Variants in PNLIPRP1 observed in about 807,000 individuals in gnomAD.
PNLIPRP1 encodes the protein inactive pancreatic lipase-related protein 1.
PNLIPRP1 carries 57 observed loss-of-function variants against 54.6 expected under a neutral mutation model. That is an observed-to-expected ratio of 1.04 (90% CI 0.84 to 1.30). The LOEUF (loss-of-function observed/expected upper bound fraction) is 1.30. Among genes scored for constraint, PNLIPRP1 ranks in the 50% most tolerant of loss-of-function variants. The probability of loss-of-function intolerance (pLI) is 0.00; values close to 1 mark genes in which losing one functional copy is unlikely to be tolerated. For synonymous variants in PNLIPRP1, 232 were observed against 208.8 expected, an observed-to-expected ratio of 1.11 and a Z score of -0.96; for missense variants, 567 against 568.5, an observed-to-expected ratio of 1.00 and a Z score of 0.03.
At chr10:116,596,176 G>A (rs1554863921) in intron 5 of PNLIPRP1, 38 bp from the exon 6 acceptor site, 1 of 1,406,098 alleles carries the variant, frequency 7.1e-7, no homozygotes, top group Non-Finnish European at 1.0e-6. Flanking sequence ...AAAAACCACA[G>A]CAAAAAATGT....
rs1387752452 is a variant in PNLIPRP1, at chr10:116,597,809, T to G, written c.575-19T>G. The G allele has an allele frequency of 2.5e-6, 4 of 1,613,996 alleles. No individual in the cohort carries two copies. The highest frequency in any genetic ancestry group is 2.7e-5 in the African/African-American group (2 of 74,924). ...TACAGTCAGGTCTATTGTTCTGCAG[T>G]GCTGATCATCTCTTTTAGGGTTGGA... On this transcript the variant is annotated intron_variant, in intron 6 of 12. Transcript: ENST00000358834.
At chr10:116,593,643 T>C (rs1175908562) in intron 4 of PNLIPRP1, 1 of 152,216 alleles carries the variant, frequency 6.6e-6, no homozygotes, top group African/African-American at 2.4e-5. Flanking sequence ...TTGTGAAAGT[T>C]TCCTCAGGAT....
intron 4 of PNLIPRP1, chr10:116,594,055 T>C (rs1847690586): frequency 7.5e-6 from 2 of 265,146 alleles, no homozygotes; most frequent in South Asian, 3.8e-5. Flanking sequence ...CATATTAGTA[T>C]ACTATATGTG....
Position 116,600,147 on chromosome 10 carries a change from C to A in PNLIPRP1, c.915C>A (p.Ser305=). The change falls in exon 9 of 13, where the codon TCC becomes TCA. Residue 305 remains serine, a synonymous_variant. Coordinates refer to ENST00000358834, the MANE Select transcript of PNLIPRP1 (RefSeq NM_006229.4). The part of the protein sequence containing the change: ...PDGFAAYPCT[S]YKSFESDKCF... ...GGTTTGCTGCATATCCCTGCACTTC[C>A]TACAAGTCCTTTGAGTCTGTAAGCT... 1 of 1,609,374 alleles carries A rather than the reference C, an allele frequency of 6.2e-7. No homozygotes were observed. The highest frequency in any genetic ancestry group is 8.5e-7 in the Non-Finnish European group (1 of 1,175,740).
At chr10:116,594,439 T>G (rs997799924) in intron 4 of PNLIPRP1, 6 of 522,748 alleles carry the variant, frequency 1.1e-5, no homozygotes, top group Non-Finnish European at 1.4e-5. Context: ...ACTCTTTTCA[T>G]GATGCAATTG....
intron 11 of PNLIPRP1, among the ~76,000 whole-genome samples, chr10:116,604,551 T>G (rs1196335741): frequency 6.6e-6 from 1 of 152,204 alleles, no homozygotes; most frequent in African/African-American, 2.4e-5. Context: ...TAAGGACACA[T>G]TTCTCAGAAC....
In PNLIPRP1 at chr10:116,596,268, G is replaced by C. The variant is rs139392611; in HGVS notation, c.520G>C (p.Ala174Pro). 74 of 1,614,020 alleles carry C rather than the reference G, an allele frequency of 4.6e-5. No individual in the cohort carries two copies. The African/African-American group carries it at 9.2e-4, about 20-fold the overall frequency. ...KVHLIGHSLG[A>P]HVAGEAGSKT... ...TCACCTCATTGGCCACAGCCTGGGA[G>C]CCCACGTGGCTGGAGAGGCAGGAAG... Residue 174 changes from alanine (A) to proline (P), a missense_variant, in exon 6 of 13, where the codon GCC becomes CCC. Ala to Pro is a conservative substitution (Grantham distance 27, BLOSUM62 -1). Transcript: ENST00000358834.
chr10:116,591,202 G>C (rs781985077), intron 2 of PNLIPRP1, 24 bp downstream of exon 2: 46 of 1,600,486 alleles, frequency 2.9e-5, no homozygotes, highest in Non-Finnish European at 3.8e-5. Flanking sequence ...CTCCTGCCCC[G>C]TAGGAAGGGC....
chr10:116,607,020 TTAATAA>T (rs55946265), intron 12 of PNLIPRP1, among the ~76,000 whole-genome samples: 69 of 147,144 alleles, frequency 4.7e-4, no homozygotes, highest in African/African-American at 1.1e-3. Flanking sequence ...CCAGTAACAT[TTAATAA>T]TAATAATAAT....
intron 12 of PNLIPRP1, 57 bp downstream of exon 12, chr10:116,605,610 G>A: frequency 6.9e-6 from 9 of 1,298,954 alleles, no homozygotes; most frequent in Non-Finnish European, 9.4e-6. Context: ...ATGTTATAAT[G>A]AAAACCCACC....
chr10:116,600,725 G>C (rs1156326866), intron 9 of PNLIPRP1, among the ~76,000 whole-genome samples: 1 of 152,190 alleles, frequency 6.6e-6, no homozygotes, highest in Non-Finnish European at 1.5e-5. Context: ...CACAGTCAGA[G>C]TATTTACACC....
At position 116,591,172 on chromosome 10, in the gene PNLIPRP1, G is replaced by C. The variant is rs782325645; in HGVS notation, c.43G>C (p.Ala15Pro). 18 of 1,612,696 alleles carry C rather than the reference G, an allele frequency of 1.1e-5. No individual in the cohort carries two copies. In the Admixed American group the frequency reaches 1.7e-4, roughly 15 times the overall value. ...AATCACACTTTTCCTGCTGGGAGCA[G>C]CCAAAGGTAAGAAACACCACTCCTG... Reference protein sequence around the residue: ...WTITLFLLGAAKGKEVCYEDL... With the variant: ...WTITLFLLGAPKGKEVCYEDL... The change falls in exon 2 of 13, where the codon GCC (alanine) becomes CCC (proline). Residue 15 changes from alanine (A) to proline (P), a missense_variant. Coordinates refer to ENST00000358834, the MANE Select transcript of PNLIPRP1 (RefSeq NM_006229.4).
Position 116,604,040 on chromosome 10 carries a change from T to G in PNLIPRP1, c.1074T>G (p.Tyr358Ter). 1 of 1,611,466 alleles carries G rather than the reference T, an allele frequency of 6.2e-7. No individual in the cohort carries two copies. Among genetic ancestry groups the G allele is most frequent in the Non-Finnish European group, 8.5e-7 (1 of 1,177,954 alleles). Residue 358 changes from tyrosine to a stop codon, truncating the protein, a stop_gained, in exon 11 of 13, where the codon TAT becomes TAG. Coordinates refer to ENST00000358834, the MANE Select transcript of PNLIPRP1 (RefSeq NM_006229.4). LOFTEE classifies it high-confidence loss of function. ...CCATCTCCTGTGCAGGCTGGAGATA[T>G]GGGGTTTCCATCACACTGTCTGGAA... The part of the protein sequence containing the change: ...GEASNFARWR[Y>*]GVSITLSGRT...
Position 116,592,365 on chromosome 10 carries a change from G to A in PNLIPRP1, c.205-51G>A. 2 of 1,540,318 alleles carry A rather than the reference G, an allele frequency of 1.3e-6. 1 individual carries two copies. The highest frequency in any genetic ancestry group is 2.6e-5 in the South Asian group (2 of 78,090). On this transcript the variant is annotated intron_variant, in intron 3 of 12. Transcript: ENST00000358834. ...CAGGCGGAGATGAGGAAGGAAAAAG[G>A]CCTGTGAGGCTGGGCTGCGAAAACA...
chr10:116,606,220 G>A (rs554921634), intron 12 of PNLIPRP1, among the ~76,000 whole-genome samples: 54 of 152,304 alleles, frequency 3.5e-4, no homozygotes, highest in African/African-American at 1.3e-3. Flanking sequence ...GGGGTTAGGT[G>A]GAGTCACCGA....
intron 11 of PNLIPRP1, among the ~76,000 whole-genome samples, chr10:116,604,561 C>T (rs1227371952): frequency 6.6e-6 from 1 of 151,970 alleles, no homozygotes; most frequent in African/African-American, 2.4e-5. Context: ...TTTCTCAGAA[C>T]ATATCTCCAT....
intron 12 of PNLIPRP1, among the ~76,000 whole-genome samples, chr10:116,608,510 T>A (rs570652308): frequency 6.6e-6 from 1 of 152,334 alleles, no homozygotes; most frequent in East Asian, 1.9e-4. Flanking sequence ...TGTTTTTGCA[T>A]CTTTGTTATT....
At chr10:116,607,426 T>A (rs1267091505) in intron 12 of PNLIPRP1, among the ~76,000 whole-genome samples, 8 of 151,884 alleles carry the variant, frequency 5.3e-5, no homozygotes, top group African/African-American at 1.9e-4. Context: ...CAGGAGAGGC[T>A]CAGAAAGACA....
chr10:116,603,097 G>T (rs1336042036), intron 10 of PNLIPRP1, among the ~76,000 whole-genome samples: 3 of 152,214 alleles, frequency 2.0e-5, no homozygotes, highest in Non-Finnish European at 4.4e-5. Context: ...ATATGTATTT[G>T]TATTTGTGTG....
Sources: allele counts gnomAD v4.1 joint callset (sites outside exome capture counted in the v4.1 genomes callset), GRCh38; gene constraint gnomAD v4.1.1; transcripts MANE v1.5; gene names NCBI Gene and HGNC (gene_info 2026-07-23, HGNC 2026-07-21).